KIF6: variants seen among roughly 807,000 people sequenced by gnomAD.
KIF6 encodes kinesin-like protein KIF6.
A neutral mutation model predicts 112.7 loss-of-function variants in KIF6; 106 were observed. The observed-to-expected ratio is 0.94, with a 90% CI of 0.80 to 1.11. The LOEUF is 1.11. KIF6 is among the 50% of genes least tolerant of loss of function. The pLI is 0.00. For missense variants in KIF6, 929 were observed against 964.0 expected, an observed-to-expected ratio of 0.96 and a Z score of 0.48; for synonymous variants, 339 against 339.9, an observed-to-expected ratio of 1.00 and a Z score of 0.03.
chr6:39,354,563 C>A (rs147707841), intron 19 of KIF6, among the ~76,000 whole-genome samples: 2 of 152,164 alleles, frequency 1.3e-5, no homozygotes, highest in Non-Finnish European at 1.5e-5. Flanking sequence ...AGCTGAATGA[C>A]CTTGGTACAA....
At chr6:39,712,814 CA>C (rs201008896) in intron 3 of KIF6, among the ~76,000 whole-genome samples, 2,916 of 152,110 alleles carry the variant, frequency 0.019, 52 homozygotes, top group Non-Finnish European at 0.028. Context: ...TGGTTGGGGA[CA>C]GGGGGAGGAA....
chr6:39,376,300 A>G (rs1234048238), intron 16 of KIF6, among the ~76,000 whole-genome samples: 1 of 152,146 alleles, frequency 6.6e-6, no homozygotes, highest in Non-Finnish European at 1.5e-5. Flanking sequence ...ATGTCTCCGC[A>G]CCAAGGTTGC....
At chr6:39,521,317 T>G (rs1339294560) in intron 13 of KIF6, among the ~76,000 whole-genome samples, 5 of 152,188 alleles carry the variant, frequency 3.3e-5, no homozygotes, top group Non-Finnish European at 7.3e-5. Context: ...TGCTTTAGTG[T>G]CTGTATGTTA....
At chr6:39,462,812 G>A (rs193176564) in intron 13 of KIF6, among the ~76,000 whole-genome samples, 16 of 152,008 alleles carry the variant, frequency 1.1e-4, no homozygotes, top group Admixed American at 9.8e-4. Context: ...TAGATTATAA[G>A]GGCTAGGAAC....
In KIF6 at chr6:39,378,831, T is replaced by C. The variant is rs1283543998; in HGVS notation, c.1861+6791A>G. Among the ~76,000 whole-genome samples the C allele has an allele frequency of 6.6e-6, 1 of 152,236 alleles. No homozygotes were observed. Among genetic ancestry groups the C allele is most frequent in the Non-Finnish European group, 1.5e-5 (1 of 68,038 alleles). ...AGAGAGAGGCCACAGCCCACGTTCCTGGGGCTGGATTCTTCCAGTTTTAGT... is the reference window on the plus strand; with the variant it reads ...AGAGAGAGGCCACAGCCCACGTTCCCGGGGCTGGATTCTTCCAGTTTTAGT... On this transcript the variant is annotated intron_variant, in intron 16 of 22. Coordinates refer to ENST00000287152, the MANE Select transcript of KIF6 (RefSeq NM_145027.6). This position sits in a 1 kb window ranked among gnomAD's most constrained non-coding sequence, Gnocchi z 5.0.
chr6:39,380,081 C>T (rs895737306), intron 16 of KIF6, among the ~76,000 whole-genome samples: 3 of 152,234 alleles, frequency 2.0e-5, no homozygotes, highest in African/African-American at 7.2e-5. Context: ...CATTTGGGGT[C>T]GATAGTACAG....
At chr6:39,710,872 A>G (rs545030701) in intron 3 of KIF6, among the ~76,000 whole-genome samples, 1 of 152,110 alleles carries the variant, frequency 6.6e-6, no homozygotes, top group Admixed American at 6.6e-5. Context: ...AAAAATTCAA[A>G]AAATTAGCCG....
chr6:39,550,299 A>T (rs766977813), intron 10 of KIF6, among the ~76,000 whole-genome samples: 3 of 152,172 alleles, frequency 2.0e-5, no homozygotes, highest in Non-Finnish European at 4.4e-5. Context: ...TTGGGAGAAC[A>T]GAAGAGTGGG....
chr6:39,493,662 C>T (rs752300431), intron 13 of KIF6, among the ~76,000 whole-genome samples: 2 of 152,232 alleles, frequency 1.3e-5, no homozygotes, highest in African/African-American at 4.8e-5. Context: ...TTGTGTAACA[C>T]CTTGCCACAG....
intron 15 of KIF6, among the ~76,000 whole-genome samples, chr6:39,414,780 A>G (rs1769780115): frequency 6.6e-6 from 1 of 152,224 alleles, no homozygotes; most frequent in African/African-American, 2.4e-5. Flanking sequence ...AGACAATGTC[A>G]AAGTCAGGTA....
chr6:39,367,943 A>G (rs184481064), intron 16 of KIF6, among the ~76,000 whole-genome samples: 7 of 152,314 alleles, frequency 4.6e-5, no homozygotes, highest in African/African-American at 1.4e-4. Flanking sequence ...AAATTTGTCA[A>G]TAGGGTCCCC....
chr6:39,469,943 T>C (rs939992364), intron 13 of KIF6, among the ~76,000 whole-genome samples: 1 of 152,216 alleles, frequency 6.6e-6, no homozygotes, highest in Non-Finnish European at 1.5e-5. Context: ...CAACACTATA[T>C]GCCAACTAGA....
intron 13 of KIF6, among the ~76,000 whole-genome samples, chr6:39,532,966 C>T (rs1411425947): frequency 6.6e-6 from 1 of 152,196 alleles, no homozygotes; most frequent in Non-Finnish European, 1.5e-5. Context: ...ACTTGGGCTC[C>T]CAGCACAGTC....
rs913905159 is a variant in KIF6, at chr6:39,573,393, G to A, written c.1181+4663C>T. ...AAGATGATAAAAGACTCTTAAGTCC[G>A]TTGAAATGTAGGTTGTACTAATGTT... is the stretch of plus-strand genomic sequence containing the variant. On this transcript the variant is annotated intron_variant, in intron 10 of 22. Coordinates refer to ENST00000287152, the MANE Select transcript of KIF6 (RefSeq NM_145027.6). 4.0e-4 allele frequency among the ~76,000 whole-genome samples: 61 copies of A among 152,296 alleles called. 1 individual carries two copies. Among genetic ancestry groups the A allele is most frequent in the African/African-American group, 1.2e-3 (48 of 41,564 alleles).
At chr6:39,337,148 CTCTT>C (rs1762984908) in intron 22 of KIF6, among the ~76,000 whole-genome samples, 2 of 97,612 alleles carry the variant, frequency 2.0e-5, no homozygotes, top group African/African-American at 4.1e-5. Context: ...TCCTTCCTTT[CTCTT>C]TCTTTTCTTT....
At chr6:39,685,630 A>C (rs9367022) in intron 3 of KIF6, among the ~76,000 whole-genome samples, 57,247 of 152,122 alleles carry the variant, frequency 0.38, 11,010 homozygotes, top group East Asian at 0.58. Flanking sequence ...ATTTTACTCC[A>C]GCAATATTCA....
At chr6:39,387,513 G>A (rs1767528004) in intron 15 of KIF6, among the ~76,000 whole-genome samples, 1 of 152,082 alleles carries the variant, frequency 6.6e-6, no homozygotes, top group Admixed American at 6.6e-5. Flanking sequence ...GCAGGCATTG[G>A]GACTAAACAA....
At chr6:39,439,985 G>C (rs1771813265) in intron 13 of KIF6, among the ~76,000 whole-genome samples, 1 of 152,202 alleles carries the variant, frequency 6.6e-6, no homozygotes, top group Non-Finnish European at 1.5e-5. Flanking sequence ...GGAGAGAGTT[G>C]TGTTATTCAT....
intron 1 of KIF6, 114 bp downstream of exon 1, chr6:39,725,131 C>T: frequency 1.3e-6 from 1 of 790,062 alleles, no homozygotes; most frequent in Non-Finnish European, 1.9e-6. Context: ...TTCCGGGCGG[C>T]CTCGGCGCCC....
Sources: gnomAD v4.1 joint callset for allele counts (sites outside exome capture counted in the v4.1 genomes callset) on GRCh38, gnomAD v4.1.1 for gene constraint, Gnocchi (gnomAD v3.1) non-coding constraint, MANE v1.5 for transcripts, NCBI Gene and HGNC (gene_info 2026-07-23, HGNC 2026-07-21) for gene names.